The following TPST1 variants were observed in gnomAD, a reference collection of about 807,000 sequenced individuals.
TPST1 encodes the protein tyrosylprotein sulfotransferase 1.
In TPST1, 20 loss-of-function variants were observed where a neutral mutation model predicts 34.8. The observed-to-expected ratio is 0.57, with a 90% CI of 0.40 to 0.84. The LOEUF is 0.84. Ranked by LOEUF, TPST1 falls within the 40% of genes least tolerant of loss-of-function variation. TPST1 has a pLI of 0.00. For missense variants in TPST1, 353 were observed against 455.5 expected (o/e 0.78, Z 2.05); for synonymous variants, 152 against 159.4 (o/e 0.95, Z 0.35).
At position 66,257,206 on chromosome 7, in the gene TPST1, G is replaced by A. The variant is rs141415535; in HGVS notation, c.845+15936G>A. 6.4e-3 allele frequency among the ~76,000 whole-genome samples: 976 copies of A among 152,312 alleles called. 14 individuals carry two copies. The highest frequency in any genetic ancestry group is 0.01 in the Middle Eastern group (3 of 294). ...AGCCCCCCAAAGTGCTAGGATTACA[G>A]GTGTGAGCCACTGCACCTGGCCAAA... is the stretch of plus-strand genomic sequence containing the variant. On this transcript the variant is annotated intron_variant, in intron 2 of 5. Coordinates refer to ENST00000304842, the MANE Select transcript of TPST1 (RefSeq NM_003596.4).
At chr7:66,217,973 G>A (rs763217001) in intron 1 of TPST1, among the ~76,000 whole-genome samples, 8 of 151,866 alleles carry the variant, frequency 5.3e-5, no homozygotes, top group Non-Finnish European at 7.4e-5. Context: ...TCTGCCTCCC[G>A]GATTCAAGCA....
chr7:66,253,949 T>A (rs6951503), intron 2 of TPST1, among the ~76,000 whole-genome samples: 1 of 145,058 alleles, frequency 6.9e-6, no homozygotes, highest in East Asian at 2.1e-4. Flanking sequence ...GTTGCAGTGA[T>A]CCAAGATTGT....
At position 66,265,360 on chromosome 7, in the gene TPST1, C is replaced by T. The variant is rs543416581; in HGVS notation, c.846-21151C>T. ...AGCCCAAGAGTTTGAGACCAGCCTGCGCAACAGCGTGAAACCCTGTCTCTA... is the reference window on the plus strand; with the variant it reads ...AGCCCAAGAGTTTGAGACCAGCCTGTGCAACAGCGTGAAACCCTGTCTCTA... On this transcript the variant is annotated intron_variant, in intron 2 of 5. Transcript: ENST00000304842. 7.2e-5 allele frequency among the ~76,000 whole-genome samples: 11 copies of T among 152,010 alleles called. No homozygotes were observed. The South Asian group carries it at 8.3e-4, about 11-fold the overall frequency.
chr7:66,210,977 A>G (rs890666119), intron 1 of TPST1, among the ~76,000 whole-genome samples: 2 of 151,954 alleles, frequency 1.3e-5, no homozygotes, highest in Non-Finnish European at 2.9e-5. Context: ...TCTGTCTGCC[A>G]CACACACGCG....
At chr7:66,203,622 A>T (rs558303049), upstream of TPST1, among the ~76,000 whole-genome samples, 1 of 151,468 alleles carries the variant, frequency 6.6e-6, no homozygotes, top group South Asian at 2.1e-4. Flanking sequence ...AGTAGCTGGG[A>T]CTACAGGCGC....
At chr7:66,263,565 G>A (rs576223925) in intron 2 of TPST1, among the ~76,000 whole-genome samples, 2 of 152,180 alleles carry the variant, frequency 1.3e-5, no homozygotes, top group East Asian at 1.9e-4. Flanking sequence ...TGCTCCTCTC[G>A]AACCCACTCC....
intron 3 of TPST1, among the ~76,000 whole-genome samples, chr7:66,331,459 A>G: frequency 6.6e-6 from 1 of 152,224 alleles, no homozygotes; most frequent in East Asian, 1.9e-4. Flanking sequence ...TGGGAAGTGA[A>G]TCATCCTTAA....
At chr7:66,328,010 C>CTT (rs1791904797) in intron 3 of TPST1, among the ~76,000 whole-genome samples, 7 of 57,474 alleles carry the variant, frequency 1.2e-4, no homozygotes, top group Admixed American at 1.8e-4. Flanking sequence ...TTTTTCCTTT[C>CTT]CTTTTTTTTT....
intron 3 of TPST1, among the ~76,000 whole-genome samples, chr7:66,318,514 T>C (rs1156231264): frequency 6.6e-6 from 1 of 152,068 alleles, no homozygotes; most frequent in Non-Finnish European, 1.5e-5. Context: ...GTTGTCAGGC[T>C]GGAGTGCAGT....
chr7:66,218,672 C>T (rs1294560036), intron 1 of TPST1, among the ~76,000 whole-genome samples: 1 of 151,990 alleles, frequency 6.6e-6, no homozygotes, highest in Non-Finnish European at 1.5e-5. Flanking sequence ...AGGTGAAACC[C>T]CATCTCTACT....
chr7:66,286,778 CTTATT>C (rs1243017071), intron 3 of TPST1, 69 bp downstream of exon 3: 10 of 1,212,134 alleles, frequency 8.2e-6, no homozygotes, highest in African/African-American at 1.7e-5. Flanking sequence ...ACGTTTTTTT[CTTATT>C]TTATTTCTTG....
At chr7:66,275,606 T>G (rs1333473904) in intron 2 of TPST1, among the ~76,000 whole-genome samples, 3 of 152,104 alleles carry the variant, frequency 2.0e-5, no homozygotes, top group African/African-American at 7.2e-5. Context: ...TTATTGTAAA[T>G]GAAATAAGCC....
At chr7:66,353,992 G>A (rs1346490780) in intron 4 of TPST1, among the ~76,000 whole-genome samples, 1 of 152,212 alleles carries the variant, frequency 6.6e-6, no homozygotes, top group Non-Finnish European at 1.5e-5. Flanking sequence ...GTGTTTCAAA[G>A]TACTTTCAAG....
At chr7:66,225,933 T>A (rs1054444771) in intron 1 of TPST1, among the ~76,000 whole-genome samples, 2 of 152,114 alleles carry the variant, frequency 1.3e-5, no homozygotes, top group African/African-American at 4.8e-5. Context: ...TTCACCCAGG[T>A]TGGAGTGCAG....
chr7:66,318,494 G>A (rs1791680029), intron 3 of TPST1, among the ~76,000 whole-genome samples: 1 of 148,258 alleles, frequency 6.7e-6, no homozygotes. Flanking sequence ...TTTAGACGAA[G>A]TCTCACTCTG....
Position 66,332,671 on chromosome 7 carries a change from G to A in TPST1, c.1045-19834G>A, listed in dbSNP as rs1792020784. Among the ~76,000 whole-genome samples, 1 of 152,106 alleles carries A rather than the reference G, an allele frequency of 6.6e-6. No homozygotes were observed. The highest frequency in any genetic ancestry group is 2.4e-5 in the African/African-American group (1 of 41,402). On this transcript the variant is annotated intron_variant, in intron 3 of 5. Transcript: ENST00000304842. The surrounding 1 kb of genome is among the most constrained non-coding windows in gnomAD (Gnocchi z 4.5). Reference sequence around the variant, plus strand: ...ACTAACCATGGACTGAAAATATGTGGGGGGGAAATGATGCTTACATCTGTA... The same window carrying A: ...ACTAACCATGGACTGAAAATATGTGAGGGGGAAATGATGCTTACATCTGTA...
chr7:66,352,564 T>C lies in TPST1; in HGVS notation c.1095+9T>C. 5 of 1,612,994 alleles carry C rather than the reference T, an allele frequency of 3.1e-6. No homozygotes were observed. The highest frequency in any genetic ancestry group is 4.2e-6 in the Non-Finnish European group (5 of 1,179,790). On this transcript the variant is annotated intron_variant, in intron 4 of 5. Transcript: ENST00000304842. ...TTAAAGAAAAACCACAGGTACTGTG[T>C]CTGCTTTTTCCTCCTGATGTATACT...
intron 3 of TPST1, among the ~76,000 whole-genome samples, chr7:66,315,691 G>T (rs1263811281): frequency 6.6e-6 from 1 of 152,168 alleles, no homozygotes; most frequent in African/African-American, 2.4e-5. Flanking sequence ...TAAATATCTT[G>T]GTTCTTGCCA....
intron 2 of TPST1, among the ~76,000 whole-genome samples, chr7:66,253,230 A>G (rs777067802): frequency 6.6e-6 from 1 of 152,202 alleles, no homozygotes; most frequent in Non-Finnish European, 1.5e-5. Context: ...GCCATTTTAT[A>G]TGAGAGATTT....
Sources: allele counts gnomAD v4.1 joint callset (sites outside exome capture counted in the v4.1 genomes callset), GRCh38; gene constraint gnomAD v4.1.1; non-coding constraint Gnocchi (gnomAD v3.1); transcripts MANE v1.5; gene names NCBI Gene and HGNC (gene_info 2026-07-23, HGNC 2026-07-21).